RMDN3: variants seen among roughly 807,000 people sequenced by gnomAD.
RMDN3 encodes the protein regulator of microtubule dynamics protein 3.
Under a neutral mutation model 61.8 loss-of-function variants are expected in RMDN3, and 41 were observed. That is an observed-to-expected ratio of 0.66 (90% CI 0.52 to 0.86). The LOEUF is 0.86. RMDN3 is among the 40% of genes least tolerant of loss of function. The pLI is 0.00. For synonymous variants in RMDN3, 247 were observed against 232.0 expected, an observed-to-expected ratio of 1.06 and a Z score of -0.59; for missense variants, 557 against 585.3, an observed-to-expected ratio of 0.95 and a Z score of 0.50.
At chr15:40,754,137 T>TTTTTTTG (rs1897939207) in intron 2 of RMDN3, among the ~76,000 whole-genome samples, 1 of 149,652 alleles carries the variant, frequency 6.7e-6, no homozygotes, top group African/African-American at 2.5e-5. Flanking sequence ...CTTTTTTTTT[T>TTTTTTTG]TTTTTTTTTT....
intron 1 of RMDN3, 44 bp downstream of exon 1, chr15:40,755,039 C>A: frequency 2.3e-6 from 1 of 432,472 alleles, no homozygotes; most frequent in South Asian, 3.2e-5. Flanking sequence ...GTACACCCCC[C>A]GACCCGGGTC....
At chr15:40,740,028 G>A in intron 7 of RMDN3, 105 bp downstream of exon 7, 2 of 757,690 alleles carry the variant, frequency 2.6e-6, no homozygotes, top group East Asian at 2.6e-5. Context: ...TCCCTCTCCT[G>A]GATCCTTTGG....
chr15:40,746,905 C>T (rs1897594155), intron 4 of RMDN3, among the ~76,000 whole-genome samples: 1 of 151,400 alleles, frequency 6.6e-6, no homozygotes, highest in Admixed American at 6.6e-5. Context: ...CTTTAGAAAT[C>T]AAAGGGACAA....
chr15:40,737,934 C>T, intron 9 of RMDN3, 31 bp downstream of exon 9: 1 of 1,610,464 alleles, frequency 6.2e-7, no homozygotes, highest in South Asian at 1.1e-5. Context: ...GCATTTAGGA[C>T]CATTATGTCA....
intron 4 of RMDN3, chr15:40,747,737 A>G (rs1479837452): frequency 6.9e-6 from 1 of 145,468 alleles, no homozygotes; most frequent in Non-Finnish European, 1.5e-5. Context: ...CAGAGACCCA[A>G]GGCTCCCTCT....
intron 2 of RMDN3, among the ~76,000 whole-genome samples, chr15:40,753,238 C>T (rs1002216264): frequency 1.3e-5 from 2 of 152,104 alleles, no homozygotes; most frequent in Non-Finnish European, 2.9e-5. Context: ...ATAATGTAAA[C>T]GCTCCTCTTG....
At chr15:40,739,065 C>T (rs1242745519) in intron 7 of RMDN3, 2 of 152,512 alleles carry the variant, frequency 1.3e-5, no homozygotes, top group South Asian at 2.1e-4. Flanking sequence ...AGGGGATATT[C>T]TAGGAATTTC....
At chr15:40,743,905 G>C (rs937441641) in intron 6 of RMDN3, 142 bp downstream of exon 6, 1 of 623,706 alleles carries the variant, frequency 1.6e-6, no homozygotes, top group African/African-American at 1.8e-5. Flanking sequence ...AGGGTCTTTG[G>C]GAGCCAGAGT....
At chr15:40,747,827 C>T (rs1469005556) in intron 4 of RMDN3, 1 of 152,110 alleles carries the variant, frequency 6.6e-6, no homozygotes, top group Non-Finnish European at 1.5e-5. Flanking sequence ...AATTAAGTTT[C>T]TCTTAACCTA....
intron 7 of RMDN3, chr15:40,739,804 G>C (rs890049058): frequency 3.1e-6 from 1 of 323,742 alleles, no homozygotes; most frequent in African/African-American, 2.1e-5. Context: ...ATGCAGGATA[G>C]GGGAGCTGCA....
chr15:40,737,002 C>A lies in RMDN3; in HGVS notation c.1359+122G>T, dbSNP rs751659095. On this transcript the variant is annotated intron_variant, in intron 12 of 12. Coordinates refer to ENST00000338376, the MANE Select transcript of RMDN3 (RefSeq NM_018145.3). Reference sequence around the variant, plus strand: ...CCGAGTAGCTGGAATTATAGGCGTGCGCCACTAGGCCCAACTAATTTTGTA... The same window carrying A: ...CCGAGTAGCTGGAATTATAGGCGTGAGCCACTAGGCCCAACTAATTTTGTA... The A allele has an allele frequency of 3.4e-5, 27 of 803,988 alleles. 1 individual carries two copies. In the South Asian group the frequency reaches 4.1e-4, roughly 12 times the overall value. 49.8% of individuals were successfully genotyped at this position (803,988 alleles called of 1,614,324 possible).
At chr15:40,747,996 G>C (rs748707068) in intron 4 of RMDN3, among the ~76,000 whole-genome samples, 3 of 152,138 alleles carry the variant, frequency 2.0e-5, no homozygotes, top group Admixed American at 1.3e-4. Flanking sequence ...GCCTGGGAAG[G>C]CTTGCTGGAG....
chr15:40,754,891 G>A, intron 1 of RMDN3, 101 bp from the exon 2 acceptor site: 1 of 1,012,376 alleles, frequency 9.9e-7, no homozygotes, highest in South Asian at 1.6e-5. Context: ...CCTCAAGGCT[G>A]AACCCCGGCA....
At chr15:40,740,244 C>T (rs1459646032) in intron 6 of RMDN3, 51 bp from the exon 7 acceptor site, 2 of 1,218,366 alleles carry the variant, frequency 1.6e-6, no homozygotes, top group Non-Finnish European at 2.4e-6. Context: ...TGCACACTTT[C>T]ATAGGAAGGC....
intron 4 of RMDN3, among the ~76,000 whole-genome samples, chr15:40,746,512 G>A (rs1197655000): frequency 2.2e-5 from 3 of 134,626 alleles, no homozygotes; most frequent in Non-Finnish European, 3.1e-5. Context: ...GCAAGACTCC[G>A]TCTCAAAAAA....
chr15:40,740,234 T>TATAA (rs757708751), intron 6 of RMDN3, 41 bp from the exon 7 acceptor site: 31 of 1,344,698 alleles, frequency 2.3e-5, no homozygotes, highest in Non-Finnish European at 3.2e-5. Flanking sequence ...ATAGCTCTTA[T>TATAA]GCACACTTTC....
chr15:40,736,524 A>T lies in RMDN3; in HGVS notation c.*17T>A, dbSNP rs769876369. On this transcript the variant is annotated 3_prime_UTR_variant, in exon 13 of 13. Transcript: ENST00000338376. ...CTTAAATAGTGGCATCAAGTCATGAAGGCCAGTGAAACGTGGTTAGTCTCG... is the reference window on the plus strand; with the variant it reads ...CTTAAATAGTGGCATCAAGTCATGATGGCCAGTGAAACGTGGTTAGTCTCG... 4.3e-6 allele frequency: 7 copies of T among 1,613,208 alleles called. No individual in the cohort carries two copies. Among genetic ancestry groups the T allele is most frequent in the Middle Eastern group, 1.7e-4 (1 of 6,060 alleles).
Position 40,736,376 on chromosome 15 carries a change from A to AGAGGTTAGAATAAATTAACTAATG in RMDN3, c.*141_*164dup, listed in dbSNP as rs1376479621. 6.4e-4 allele frequency: 397 copies of AGAGGTTAGAATAAATTAACTAATG among 622,474 alleles called. 2 individuals carry two copies. The highest frequency in any genetic ancestry group is 9.6e-4 in the Non-Finnish European group (335 of 348,676). The allele number at this position is 622,474 out of a possible 1,614,324, so 38.6% of individuals were successfully genotyped here. On this transcript the variant is annotated 3_prime_UTR_variant, in exon 13 of 13. Transcript: ENST00000338376. ...TACTGCCCCAATTCTAGATTAGGTT[A>AGAGGTTAGAATAAATTAACTAATG]GAGGTTAGAATAAATTAACTAATGG...
rs750785226 is a variant in RMDN3, at chr15:40,752,061, A to C, written c.305T>G (p.Val102Gly). Residue 102 changes from valine to glycine, a missense_variant, in exon 3 of 13, where the codon GTG becomes GGG. Val to Gly is a moderately radical substitution (Grantham distance 109). Transcript: ENST00000338376. ...DRLDFVLTSL[V>G]ALRREVEELR... ...CTCCTCCACCTCCCGCCGCAGCGCCACAAGGCTGGTCAGCACAAAGTCCAG... is the reference window on the plus strand; with the variant it reads ...CTCCTCCACCTCCCGCCGCAGCGCCCCAAGGCTGGTCAGCACAAAGTCCAG... The C allele has an allele frequency of 3.1e-6, 5 of 1,614,178 alleles. No homozygotes were observed. The highest frequency in any genetic ancestry group is 4.2e-6 in the Non-Finnish European group (5 of 1,180,022).
Sources: gnomAD v4.1 joint callset for allele counts (sites outside exome capture counted in the v4.1 genomes callset) on GRCh38, gnomAD v4.1.1 for gene constraint, MANE v1.5 for transcripts, NCBI Gene and HGNC (gene_info 2026-07-23, HGNC 2026-07-21) for gene names.